The following RPS6KC1 variants were observed in gnomAD, a reference collection of about 807,000 sequenced individuals.
RPS6KC1 encodes ribosomal protein S6 kinase C1.
Under a neutral mutation model 103.8 loss-of-function variants are expected in RPS6KC1, and 54 were observed. That is an observed-to-expected ratio of 0.52 (90% CI 0.42 to 0.65). The LOEUF (loss-of-function observed/expected upper bound fraction) is 0.65, where lower values mean the gene tolerates loss of function less well. RPS6KC1 is among the 30% of genes least tolerant of loss of function. RPS6KC1 has a pLI of 0.00. For missense variants in RPS6KC1, 1,151 were observed against 1,253.8 expected, an observed-to-expected ratio of 0.92 and a Z score of 1.24; for synonymous variants, 439 against 438.7, an observed-to-expected ratio of 1.00 and a Z score of -0.01.
chr1:213,849,104 ACT>A, the RPS6KC1 span, among the ~76,000 whole-genome samples: 1 of 152,108 alleles, frequency 6.6e-6, no homozygotes, highest in South Asian at 2.1e-4. Context: ...TCTGTCATCA[ACT>A]CTCTCTTGCA....
At chr1:213,519,898 A>G in the RPS6KC1 span, among the ~76,000 whole-genome samples, 3 of 152,240 alleles carry the variant, frequency 2.0e-5, no homozygotes, top group African/African-American at 7.2e-5. Flanking sequence ...AATGAACTCC[A>G]GAAAAGTCTG....
the RPS6KC1 span, chr1:213,818,817 C>G: frequency 6.6e-6 from 1 of 152,278 alleles, no homozygotes; most frequent in African/African-American, 2.4e-5. Context: ...GAAAGCATGC[C>G]TCCCTGGCTG....
the RPS6KC1 span, among the ~76,000 whole-genome samples, chr1:213,402,197 C>T: frequency 6.6e-6 from 1 of 152,310 alleles, no homozygotes; most frequent in Non-Finnish European, 1.5e-5. Context: ...GGCCTTGAGC[C>T]ACTCACTTAT....
intron 6 of RPS6KC1, among the ~76,000 whole-genome samples, chr1:213,144,704 C>T (rs181519273): frequency 8.5e-5 from 13 of 152,150 alleles, no homozygotes; most frequent in African/African-American, 2.6e-4. Flanking sequence ...ACTTTAATAA[C>T]TGTCTACAAC....
the RPS6KC1 span, among the ~76,000 whole-genome samples, chr1:213,661,781 C>T: frequency 6.6e-6 from 1 of 152,080 alleles, no homozygotes; most frequent in Non-Finnish European, 1.5e-5. Context: ...GGTAGATACC[C>T]CTTAAAACAT....
chr1:213,441,420 A>G, the RPS6KC1 span, among the ~76,000 whole-genome samples: 1 of 152,174 alleles, frequency 6.6e-6, no homozygotes, highest in African/African-American at 2.4e-5. Flanking sequence ...CAGGTTCCAC[A>G]TATAATTGAG....
At chr1:213,177,135 G>A (rs190683919) in intron 8 of RPS6KC1, among the ~76,000 whole-genome samples, 26 of 152,094 alleles carry the variant, frequency 1.7e-4, no homozygotes, top group African/African-American at 6.0e-4. Context: ...AAAAATACTG[G>A]CCTCACAGAG....
chr1:213,475,275 T>G, the RPS6KC1 span, among the ~76,000 whole-genome samples: 2 of 152,180 alleles, frequency 1.3e-5, no homozygotes, highest in East Asian at 3.9e-4. Flanking sequence ...TTTGGTGCAA[T>G]TTTCCAAATG....
chr1:213,241,662 C>T lies in RPS6KC1; in HGVS notation c.2186C>T (p.Pro729Leu). 1.2e-6 allele frequency: 2 copies of T among 1,613,796 alleles called. No individual in the cohort carries two copies. Among genetic ancestry groups the T allele is most frequent in the Non-Finnish European group, 1.7e-6 (2 of 1,179,936 alleles). ...ATAGAAAATAAACTCTTGGAAGCCC[C>T]TGATGTTTTATGCCTCAGGCTTAGT... is the stretch of plus-strand genomic sequence containing the variant. ...GIIENKLLEAPDVLCLRLSTE... is the reference protein window; with the variant it reads ...GIIENKLLEALDVLCLRLSTE... Residue 729 changes from proline to leucine, a missense_variant, in exon 11 of 15, where the codon CCT becomes CTT. Coordinates refer to ENST00000366960, the MANE Select transcript of RPS6KC1 (RefSeq NM_012424.6).
At chr1:213,396,511 G>A in the RPS6KC1 span, among the ~76,000 whole-genome samples, 235 of 152,292 alleles carry the variant, frequency 1.5e-3, 1 homozygote, top group Non-Finnish European at 1.9e-3. Context: ...CTGGACCACC[G>A]AACACGTGTG....
chr1:213,400,864 G>A, the RPS6KC1 span, among the ~76,000 whole-genome samples: 2 of 151,976 alleles, frequency 1.3e-5, no homozygotes, highest in Non-Finnish European at 2.9e-5. Flanking sequence ...ACACCACCGT[G>A]CCTGGCTAAC....
At chr1:213,769,208 A>G in the RPS6KC1 span, among the ~76,000 whole-genome samples, 1 of 152,154 alleles carries the variant, frequency 6.6e-6, no homozygotes, top group Non-Finnish European at 1.5e-5. Context: ...AAGAGGAGGG[A>G]GATGGAGAAA....
At chr1:213,112,670 C>T (rs1298202252) in intron 4 of RPS6KC1, among the ~76,000 whole-genome samples, 4 of 151,886 alleles carry the variant, frequency 2.6e-5, no homozygotes, top group Non-Finnish European at 4.4e-5. Context: ...CCCATTAACT[C>T]GTCATCTAGC....
intron 1 of RPS6KC1, among the ~76,000 whole-genome samples, chr1:213,069,125 A>G (rs1020946430): frequency 6.6e-6 from 1 of 152,176 alleles, no homozygotes; most frequent in Non-Finnish European, 1.5e-5. Context: ...CAAAGTAGCC[A>G]TATTTCAGTG....
chr1:213,731,662 A>T, the RPS6KC1 span: 1 of 152,240 alleles, frequency 6.6e-6, no homozygotes. Flanking sequence ...TACAAATTAT[A>T]TGAACATATT....
chr1:213,555,551 G>A, the RPS6KC1 span, among the ~76,000 whole-genome samples: 96,055 of 152,012 alleles, frequency 0.63, 30,727 homozygotes, highest in East Asian at 0.86. Flanking sequence ...TGGGCTTCAA[G>A]TGATCCTCCC....
chr1:213,558,022 C>T, the RPS6KC1 span, among the ~76,000 whole-genome samples: 1 of 152,142 alleles, frequency 6.6e-6, no homozygotes, highest in Non-Finnish European at 1.5e-5. Flanking sequence ...GAGAGATCTG[C>T]CTATCTACAT....
the RPS6KC1 span, among the ~76,000 whole-genome samples, chr1:213,721,822 C>T: frequency 1.4e-4 from 21 of 152,118 alleles, no homozygotes; most frequent in African/African-American, 5.1e-4. Context: ...AATTCTCAAT[C>T]TCTCTCTTTT....
the RPS6KC1 span, among the ~76,000 whole-genome samples, chr1:213,837,471 T>G: frequency 1.3e-5 from 2 of 152,350 alleles, no homozygotes; most frequent in South Asian, 4.1e-4. Context: ...TTGTTCTGTC[T>G]TTCAGCAGAA....
Sources: allele counts gnomAD v4.1 joint callset (sites outside exome capture counted in the v4.1 genomes callset), GRCh38; gene constraint gnomAD v4.1.1; transcripts MANE v1.5; gene names NCBI Gene and HGNC (gene_info 2026-07-23, HGNC 2026-07-21).